Variants in FANCI observed in about 807,000 individuals in gnomAD.
FANCI encodes the protein Fanconi anemia group I protein.
In FANCI, 156 loss-of-function variants were observed where a neutral mutation model predicts 176.1. The observed-to-expected ratio is 0.89, with a 90% CI of 0.78 to 1.01. FANCI has a LOEUF of 1.01. FANCI is among the 50% of genes least tolerant of loss of function. The pLI is 0.00. For missense variants in FANCI, 1,678 were observed against 1,534.1 expected (o/e 1.09, Z -1.57); for synonymous variants, 613 against 541.7 (o/e 1.13, Z -1.83).
intron 2 of FANCI, among the ~76,000 whole-genome samples, chr15:89,256,153 G>T (rs559667243): frequency 1.3e-5 from 2 of 152,208 alleles, no homozygotes; most frequent in Admixed American, 6.5e-5. Flanking sequence ...CCTTGGCAGT[G>T]CTCACGTTTT....
chr15:89,294,327 G>A (rs956874722), intron 23 of FANCI, among the ~76,000 whole-genome samples: 6 of 152,120 alleles, frequency 3.9e-5, no homozygotes, highest in African/African-American at 1.2e-4. Context: ...CCTCACTCCT[G>A]TAATCCCAGT....
chr15:89,267,144 A>C (rs1392650575), intron 9 of FANCI, among the ~76,000 whole-genome samples: 2 of 152,012 alleles, frequency 1.3e-5, no homozygotes, highest in Non-Finnish European at 2.9e-5. Flanking sequence ...GACATGGTAA[A>C]AACCTATCTC....
chr15:89,250,966 C>A (rs1451927135), intron 2 of FANCI, among the ~76,000 whole-genome samples: 2 of 151,290 alleles, frequency 1.3e-5, no homozygotes, highest in African/African-American at 4.9e-5. Flanking sequence ...CAAGAAACTA[C>A]TAAAGATAAA....
chr15:89,268,330 C>G, intron 9 of FANCI, 69 bp from the exon 10 acceptor site: 1 of 1,588,168 alleles, frequency 6.3e-7, no homozygotes, highest in South Asian at 1.1e-5. Context: ...CTTGGCCTCC[C>G]AAAGTGCTGG....
chr15:89,254,905 A>G (rs1287734023), intron 2 of FANCI, among the ~76,000 whole-genome samples: 1 of 152,212 alleles, frequency 6.6e-6, no homozygotes, highest in Non-Finnish European at 1.5e-5. Context: ...TGCAATTGTA[A>G]TGGTAAAGAT....
chr15:89,263,479 C>T lies in FANCI; in HGVS notation c.545+19C>T, dbSNP rs1981623. On this transcript the variant is annotated intron_variant, in intron 7 of 37. Coordinates refer to ENST00000310775, the MANE Select transcript of FANCI (RefSeq NM_001113378.2). The stretch of plus-strand genomic sequence containing the variant: ...TGTTCAAGTAAGCATCATCTTTTCC[C>T]TTTTCTTTGTGTATCCTGCTTTGTG... 599,420 of 1,588,096 alleles carry T rather than the reference C, an allele frequency of 0.38. 115,421 individuals carry two copies. The highest frequency in any genetic ancestry group is 0.38 in the South Asian group (34,712 of 90,420).
Position 89,313,780 on chromosome 15 carries a change from TTATAATA to T in FANCI, c.3720+812_3720+818del, listed in dbSNP as rs142928745. ...ATTAATAGAGGACTGGCTAAATAGG[TTATAATA>T]TATTTATACTGGAGAGATATGAAAA... is the stretch of plus-strand genomic sequence containing the variant. On this transcript the variant is annotated intron_variant, in intron 35 of 37. Transcript: ENST00000310775. Among the ~76,000 whole-genome samples the T allele has an allele frequency of 8.3e-3, 1,258 of 152,198 alleles. 16 individuals are homozygous for T. The highest frequency in any genetic ancestry group is 0.031 in the Middle Eastern group (9 of 292).
At chr15:89,305,072 G>C (rs754520328) in intron 28 of FANCI, 43 bp from the exon 29 acceptor site, 4 of 1,609,856 alleles carry the variant, frequency 2.5e-6, no homozygotes, top group African/African-American at 2.7e-5. Flanking sequence ...CACTGCACTT[G>C]GCCACAACTT....
chr15:89,293,052 A>G lies in FANCI; in HGVS notation c.2280A>G (p.Ile760Met). 1 of 1,613,546 alleles carries G rather than the reference A, an allele frequency of 6.2e-7. No individual in the cohort carries two copies. Among genetic ancestry groups the G allele is most frequent in the Non-Finnish European group, 8.5e-7 (1 of 1,179,866 alleles). Reference protein sequence around the residue: ...CEVLIEYNFSISSFSKNRFED... With the variant: ...CEVLIEYNFSMSSFSKNRFED... ...TTTTAATAGAATACAATTTCTCCAT[A>G]AGTAGTTTCAGGTAAGGTTTTGCTA... The change falls in exon 22 of 38, where the codon ATA becomes ATG. Residue 760 changes from isoleucine (I) to methionine (M), a missense_variant. Coordinates refer to ENST00000310775, the MANE Select transcript of FANCI (RefSeq NM_001113378.2).
chr15:89,293,634 G>A (rs955659684), intron 22 of FANCI, among the ~76,000 whole-genome samples, 199 bp from the exon 23 acceptor site: 1 of 152,198 alleles, frequency 6.6e-6, no homozygotes, highest in Non-Finnish European at 1.5e-5. Flanking sequence ...GTTGCAGTGA[G>A]CCAAGGTCAC....
intron 34 of FANCI, among the ~76,000 whole-genome samples, chr15:89,308,877 C>T (rs144739077): frequency 6.6e-6 from 1 of 151,074 alleles, no homozygotes; most frequent in Non-Finnish European, 1.5e-5. Context: ...ACCTGGAGGG[C>T]GGAGGTTGCA....
At position 89,307,499 on chromosome 15, in the gene FANCI, C is replaced by G; in HGVS notation, c.3561C>G (p.Ser1187=). The part of the protein sequence containing the change: ...VRYYLQVCQS[S]GGIPKNMEKL... The stretch of plus-strand genomic sequence containing the variant: ...AGTATCTCCAGGTGTGTCAGAGCTC[C>G]GGAGGAATTCCAAAAAATATGGAAA... The change falls in exon 33 of 38, where the codon TCC becomes TCG. Residue 1187 remains serine, a synonymous_variant. Transcript: ENST00000310775. 2 of 1,614,098 alleles carry G rather than the reference C, an allele frequency of 1.2e-6. No homozygotes were observed. Among genetic ancestry groups the G allele is most frequent in the Non-Finnish European group, 1.7e-6 (2 of 1,180,026 alleles).
At chr15:89,278,832 T>TA in intron 14 of FANCI, 58 bp downstream of exon 14, 2 of 1,451,452 alleles carry the variant, frequency 1.4e-6, no homozygotes, top group Non-Finnish European at 1.9e-6. Context: ...TTCAATGTCA[T>TA]AATCATTTGG....
At chr15:89,305,928 T>G in intron 31 of FANCI, 79 bp from the exon 32 acceptor site, 2 of 1,432,054 alleles carry the variant, frequency 1.4e-6, no homozygotes, top group Non-Finnish European at 2.0e-6. Context: ...TAGTTAGTAG[T>G]AATCAATTTC....
chr15:89,294,057 GGCTCACTTGTTTCACCTC>G (rs2054164810), intron 23 of FANCI, 60 bp downstream of exon 23: 1 of 1,567,080 alleles, frequency 6.4e-7, no homozygotes, highest in Non-Finnish European at 8.8e-7. Context: ...TACCTACCTA[GGCTCACTTGTTTCACCTC>G]GTTTGGATTG....
At chr15:89,297,170 G>C (rs1468020219) in intron 24 of FANCI, among the ~76,000 whole-genome samples, 3 of 132,930 alleles carry the variant, frequency 2.3e-5, no homozygotes, top group Admixed American at 2.2e-4. Context: ...CGGGGCGGCC[G>C]GGCAGAGGTG....
At chr15:89,247,868 T>C (rs1230084275) in intron 2 of FANCI, 137 bp downstream of exon 2, 6 of 701,742 alleles carry the variant, frequency 8.6e-6, no homozygotes, top group Non-Finnish European at 1.5e-5. Flanking sequence ...ATTTATTTAA[T>C]AATAATTTAT....
At chr15:89,304,240 G>A (rs1047278400) in intron 28 of FANCI, among the ~76,000 whole-genome samples, 1 of 152,218 alleles carries the variant, frequency 6.6e-6, no homozygotes, top group East Asian at 1.9e-4. Context: ...CACTATTTTA[G>A]TAGGTAAAAC....
rs1035029158 is a variant in FANCI, at chr15:89,300,223, C to G, written c.2804-77C>G. The G allele has an allele frequency of 1.1e-4, 159 of 1,425,454 alleles. 2 individuals are homozygous for G. The East Asian group carries it at 3.8e-3, about 34-fold the overall frequency. The allele number at this position is 1,425,454 out of a possible 1,614,324, so 88.3% of individuals were successfully genotyped here. ...TGCCTTTAGACTTTTTTTTGGCTTT[C>G]AAAAATTTTAGCTATTAAAAGGCCA... is the stretch of plus-strand genomic sequence containing the variant. On this transcript the variant is annotated intron_variant, in intron 25 of 37. Coordinates refer to ENST00000310775, the MANE Select transcript of FANCI (RefSeq NM_001113378.2).
Sources: gnomAD v4.1 joint callset for allele counts (sites outside exome capture counted in the v4.1 genomes callset) on GRCh38, gnomAD v4.1.1 for gene constraint, MANE v1.5 for transcripts, NCBI Gene and HGNC (gene_info 2026-07-23, HGNC 2026-07-21) for gene names.